Variants in KCNIP4 observed in about 807,000 individuals in gnomAD.
KCNIP4 encodes potassium voltage-gated channel interacting protein 4.
In KCNIP4, 12 loss-of-function variants were observed where a neutral mutation model predicts 34.0. That is an observed-to-expected ratio of 0.35 (90% CI 0.23 to 0.57). KCNIP4 has a LOEUF of 0.57. KCNIP4 is among the 20% of genes least tolerant of loss of function. The probability of loss-of-function intolerance (pLI) is 0.83; values close to 1 mark genes in which losing one functional copy is unlikely to be tolerated. For missense variants in KCNIP4, 238 were observed against 311.7 expected, an observed-to-expected ratio of 0.76 and a Z score of 1.78; for synonymous variants, 124 against 102.2, an observed-to-expected ratio of 1.21 and a Z score of -1.29.
At chr4:20,766,761 C>T (rs1299974354) in intron 3 of KCNIP4, 1 of 152,146 alleles carries the variant, frequency 6.6e-6, no homozygotes, top group South Asian at 2.1e-4. Flanking sequence ...CAAATGTCTT[C>T]GTGTCCATAC....
chr4:21,248,139 G>A (rs74782707), intron 1 of KCNIP4, among the ~76,000 whole-genome samples: 1,600 of 151,498 alleles, frequency 0.011, 21 homozygotes, highest in African/African-American at 0.037. Context: ...AAGGGCCCTG[G>A]TCACTAGAGA....
chr4:21,066,357 C>T (rs1450072451), intron 1 of KCNIP4, among the ~76,000 whole-genome samples: 2 of 152,192 alleles, frequency 1.3e-5, no homozygotes, highest in East Asian at 3.9e-4. Flanking sequence ...AGGAACACCA[C>T]ATTGACCAAC....
intron 1 of KCNIP4, among the ~76,000 whole-genome samples, chr4:21,835,020 T>C (rs912567276): frequency 1.3e-5 from 2 of 152,164 alleles, no homozygotes; most frequent in Admixed American, 6.5e-5. Flanking sequence ...GATTTTTGCA[T>C]CAATGTTCAT....
In KCNIP4 at chr4:20,911,963, C is replaced by T. The variant is rs561228551; in HGVS notation, c.62-29254G>A. Among the ~76,000 whole-genome samples the T allele has an allele frequency of 4.1e-3, 627 of 152,166 alleles. 4 individuals carry two copies. Among genetic ancestry groups the T allele is most frequent in the African/African-American group, 0.014 (586 of 41,512 alleles). Reference sequence around the variant, plus strand: ...GCAATAATCTGATCACTTTTTAATCCAGCTCACAGTGCATCAATGCTTCCT... The same window carrying T: ...GCAATAATCTGATCACTTTTTAATCTAGCTCACAGTGCATCAATGCTTCCT... On this transcript the variant is annotated intron_variant, in intron 1 of 8. Transcript: ENST00000382152.
At chr4:21,863,565 C>A (rs12512545) in intron 1 of KCNIP4, among the ~76,000 whole-genome samples, 108,614 of 151,686 alleles carry the variant, frequency 0.72, 44,342 homozygotes, top group East Asian at 0.89. Context: ...GGAAGAGAGG[C>A]ACAGAACAAA....
At chr4:21,065,286 C>T (rs1184268478) in intron 1 of KCNIP4, among the ~76,000 whole-genome samples, 1 of 152,046 alleles carries the variant, frequency 6.6e-6, no homozygotes. Context: ...GAAGAGGCCA[C>T]CATGAAAATG....
At chr4:21,340,906 G>T (rs1341828191) in intron 1 of KCNIP4, among the ~76,000 whole-genome samples, 2 of 152,126 alleles carry the variant, frequency 1.3e-5, no homozygotes, top group Non-Finnish European at 2.9e-5. Flanking sequence ...TCTGTAATTT[G>T]TTAAATAGTA....
chr4:21,632,795 T>A (rs976354472), intron 1 of KCNIP4, among the ~76,000 whole-genome samples: 2 of 152,026 alleles, frequency 1.3e-5, no homozygotes, highest in African/African-American at 4.8e-5. Flanking sequence ...GAGATGGAGG[T>A]CCAGCGTAAA....
In KCNIP4 at chr4:20,842,581, C is replaced by CAAAAAAAAA. The variant is rs59134256; in HGVS notation, c.288+7953_288+7961dup. ...GGCAATTGAGTCTCTCTTCTAATGG[C>CAAAAAAAAA]AAAAAAAAAAAAAAAAAAAAAAAAA... On this transcript the variant is annotated intron_variant, in intron 3 of 8. Transcript: ENST00000382152. Among the ~76,000 whole-genome samples the CAAAAAAAAA allele has an allele frequency of 4.9e-4, 34 of 69,692 alleles. 5 individuals carry two copies. Among genetic ancestry groups the CAAAAAAAAA allele is most frequent in the African/African-American group, 2.0e-3 (34 of 17,064 alleles). 45.7% of individuals were successfully genotyped at this position (69,692 alleles called of 152,430 possible). A position where few individuals can be genotyped will look rare whatever the true frequency, so the allele number is the denominator to read the frequency against.
chr4:21,241,325 A>C lies in KCNIP4; in HGVS notation c.62-358616T>G, dbSNP rs190261793. 4.3e-4 allele frequency among the ~76,000 whole-genome samples: 66 copies of C among 152,248 alleles called. 1 individual carries two copies. Among genetic ancestry groups the C allele is most frequent in the Non-Finnish European group, 2.5e-4 (17 of 68,008 alleles). On this transcript the variant is annotated intron_variant, in intron 1 of 8. Coordinates refer to ENST00000382152, the MANE Select transcript of KCNIP4 (RefSeq NM_025221.6). The stretch of plus-strand genomic sequence containing the variant: ...CTCAAGACTTAAAAATTTTTTTTCT[A>C]AAGTTTATATGGGTTTTCTTTGCAA...
At position 21,133,485 on chromosome 4, in the gene KCNIP4, C is replaced by A. The variant is rs572921030; in HGVS notation, c.62-250776G>T. Among the ~76,000 whole-genome samples, 61 of 152,230 alleles carry A rather than the reference C, an allele frequency of 4.0e-4. 1 individual carries two copies. The highest frequency in any genetic ancestry group is 1.0e-3 in the African/African-American group (43 of 41,526). On this transcript the variant is annotated intron_variant, in intron 1 of 8. Transcript: ENST00000382152. ...ACTCTTGTTTTCTTAAACTCTTATT[C>A]CCTAGTCCACATCTTGTGCTACCTT... is the stretch of plus-strand genomic sequence containing the variant.
chr4:20,943,351 C>T lies in KCNIP4; in HGVS notation c.62-60642G>A, dbSNP rs562509289. Among the ~76,000 whole-genome samples the T allele has an allele frequency of 2.2e-3, 337 of 152,306 alleles. 1 individual carries two copies. Among genetic ancestry groups the T allele is most frequent in the South Asian group, 0.014 (66 of 4,830 alleles). ...TTTATAGCCTATAAGACTGTATTCT[C>T]TTCTTATGAAGGTTGAGCATCTATT... On this transcript the variant is annotated intron_variant, in intron 1 of 8. Coordinates refer to ENST00000382152, the MANE Select transcript of KCNIP4 (RefSeq NM_025221.6).
At chr4:21,292,166 T>C (rs1763564974) in intron 1 of KCNIP4, among the ~76,000 whole-genome samples, 1 of 152,188 alleles carries the variant, frequency 6.6e-6, no homozygotes, top group Non-Finnish European at 1.5e-5. Context: ...GTCTTCTCCC[T>C]GAGATATTTT....
chr4:21,442,914 A>G (rs918372968), intron 1 of KCNIP4, among the ~76,000 whole-genome samples: 1 of 152,064 alleles, frequency 6.6e-6, no homozygotes, highest in South Asian at 2.1e-4. Context: ...CCACAGCCAA[A>G]CTCTTAAGGA....
At chr4:20,899,511 T>G (rs1726930027) in intron 1 of KCNIP4, among the ~76,000 whole-genome samples, 1 of 152,196 alleles carries the variant, frequency 6.6e-6, no homozygotes, top group Non-Finnish European at 1.5e-5. Context: ...TGATATCTTC[T>G]TATCACTATC....
intron 1 of KCNIP4, among the ~76,000 whole-genome samples, chr4:20,984,885 C>T (rs1414622737): frequency 1.3e-5 from 2 of 152,014 alleles, no homozygotes; most frequent in African/African-American, 4.8e-5. Context: ...AAACCACGCT[C>T]ATCAGAGGAG....
intron 1 of KCNIP4, among the ~76,000 whole-genome samples, chr4:21,266,587 A>G (rs1429427674): frequency 3.3e-5 from 5 of 152,250 alleles, no homozygotes; most frequent in Non-Finnish European, 5.9e-5. Context: ...AAAGCTAAGA[A>G]GTAAAAAATG....
chr4:21,159,395 G>T lies in KCNIP4; in HGVS notation c.62-276686C>A, dbSNP rs1055111423. ...TTATACTAAAGATATGTTTGAGGGG[G>T]AGGAGCCAAGATGGCCGAATAGGAA... is the stretch of plus-strand genomic sequence containing the variant. On this transcript the variant is annotated intron_variant, in intron 1 of 8. Transcript: ENST00000382152. Among the ~76,000 whole-genome samples the T allele has an allele frequency of 1.7e-3, 33 of 19,008 alleles. 15 individuals carry two copies. Among genetic ancestry groups the T allele is most frequent in the Non-Finnish European group, 3.2e-3 (29 of 9,178 alleles). 12.5% of individuals were successfully genotyped at this position (19,008 alleles called of 152,430 possible). A position where few individuals can be genotyped will look rare whatever the true frequency, so the allele number is the denominator to read the frequency against.
intron 1 of KCNIP4, among the ~76,000 whole-genome samples, chr4:21,493,570 T>C (rs1394696423): frequency 2.0e-5 from 3 of 152,216 alleles, no homozygotes; most frequent in Non-Finnish European, 2.9e-5. Flanking sequence ...TCCATTCTAA[T>C]ACACTGGATT....
Sources: allele counts gnomAD v4.1 joint callset (sites outside exome capture counted in the v4.1 genomes callset), GRCh38; gene constraint gnomAD v4.1.1; transcripts MANE v1.5; gene names NCBI Gene and HGNC (gene_info 2026-07-23, HGNC 2026-07-21).